Variants in BRINP2 observed in about 807,000 individuals in gnomAD.
The protein encoded by BRINP2 is BMP/retinoic acid-inducible neural-specific protein 2.
A neutral mutation model predicts 69.2 loss-of-function variants in BRINP2; 21 were observed. That is an observed-to-expected ratio of 0.30 (90% CI 0.22 to 0.44). The LOEUF is 0.44. BRINP2 is among the 20% of genes least tolerant of loss of function. BRINP2 has a pLI of 1.00. For missense variants in BRINP2, 877 were observed against 986.0 expected (o/e 0.89, Z 1.48); for synonymous variants, 380 against 394.1 (o/e 0.96, Z 0.42).
intron 4 of BRINP2, among the ~76,000 whole-genome samples, chr1:177,261,886 G>A (rs1343631076): frequency 1.3e-5 from 2 of 152,212 alleles, no homozygotes; most frequent in Non-Finnish European, 2.9e-5. Flanking sequence ...ACAAAGCCAC[G>A]TGAAGAATGT....
intron 2 of BRINP2, among the ~76,000 whole-genome samples, chr1:177,237,859 G>A (rs779004197): frequency 6.6e-6 from 1 of 152,190 alleles, no homozygotes. Flanking sequence ...CAGGGACGCT[G>A]TCGAGTCATA....
chr1:177,216,230 G>T (rs112855735), intron 1 of BRINP2, among the ~76,000 whole-genome samples: 136 of 151,998 alleles, frequency 8.9e-4, no homozygotes, highest in African/African-American at 3.2e-3. Context: ...ATGGTTTTCC[G>T]TAGGGTATGT....
chr1:177,275,864 T>C (rs555596053), intron 5 of BRINP2, among the ~76,000 whole-genome samples: 4 of 152,356 alleles, frequency 2.6e-5, no homozygotes, highest in African/African-American at 9.6e-5. Context: ...ATCTGAAACA[T>C]CTTCCTGTTT....
intron 1 of BRINP2, among the ~76,000 whole-genome samples, chr1:177,212,188 T>C (rs765405802): frequency 1.3e-5 from 2 of 152,168 alleles, no homozygotes; most frequent in Non-Finnish European, 2.9e-5. Flanking sequence ...CTGGAGTTCA[T>C]GAGGGGAGCC....
intron 1 of BRINP2, among the ~76,000 whole-genome samples, chr1:177,191,805 C>A (rs1046651078): frequency 6.6e-6 from 1 of 152,114 alleles, no homozygotes; most frequent in African/African-American, 2.4e-5. Context: ...TCTTTCACCT[C>A]GAATGTGTGC....
chr1:177,194,128 G>A (rs898227031), intron 1 of BRINP2, among the ~76,000 whole-genome samples: 1 of 152,098 alleles, frequency 6.6e-6, no homozygotes, highest in African/African-American at 2.4e-5. Flanking sequence ...ATTTATTATT[G>A]TTTGTATCAT....
intron 1 of BRINP2, among the ~76,000 whole-genome samples, chr1:177,181,916 C>T (rs1011739682): frequency 6.6e-6 from 1 of 152,234 alleles, no homozygotes; most frequent in Non-Finnish European, 1.5e-5. Context: ...GGGATTCTTG[C>T]CCCGGAGGTT....
chr1:177,185,021 C>T (rs1185739483), intron 1 of BRINP2, among the ~76,000 whole-genome samples: 2 of 152,008 alleles, frequency 1.3e-5, no homozygotes, highest in Non-Finnish European at 2.9e-5. Flanking sequence ...TTTTAACAAG[C>T]AGATGATATA....
chr1:177,201,781 G>A (rs1243887843), intron 1 of BRINP2, among the ~76,000 whole-genome samples: 1 of 152,178 alleles, frequency 6.6e-6, no homozygotes, highest in African/African-American at 2.4e-5. Flanking sequence ...AATGGTACCA[G>A]CTCCTCCTTG....
At position 177,240,978 on chromosome 1, in the gene BRINP2, T is replaced by A. The variant is rs113224352; in HGVS notation, c.269+10833T>A. ...TGAGGTGCTCACTGGAGCCAATATT[T>A]TTTTTTTTTTTGAGATGGAGTCTCG... is the stretch of plus-strand genomic sequence containing the variant. On this transcript the variant is annotated intron_variant, in intron 2 of 7. Coordinates refer to ENST00000361539, the MANE Select transcript of BRINP2 (RefSeq NM_021165.4). Among the ~76,000 whole-genome samples, 681 of 151,834 alleles carry A rather than the reference T, an allele frequency of 4.5e-3. 9 individuals carry two copies. The highest frequency in any genetic ancestry group is 0.016 in the African/African-American group (647 of 41,482).
intron 5 of BRINP2, chr1:177,275,054 TCTC>T: frequency 2.2e-6 from 1 of 450,670 alleles, no homozygotes; most frequent in Non-Finnish European, 4.5e-6. Context: ...ATCCAGAAGT[TCTC>T]ATATTCCTCA....
At chr1:177,192,501 T>A (rs780079286) in intron 1 of BRINP2, among the ~76,000 whole-genome samples, 1 of 152,160 alleles carries the variant, frequency 6.6e-6, no homozygotes, top group Non-Finnish European at 1.5e-5. Flanking sequence ...GTCTAACTTA[T>A]TTTTTTCCCC....
intron 2 of BRINP2, among the ~76,000 whole-genome samples, chr1:177,241,377 CTT>C (rs1650201590): frequency 6.6e-6 from 1 of 152,100 alleles, no homozygotes; most frequent in South Asian, 2.1e-4. Context: ...CCTGATTTTG[CTT>C]TCTTTTATTT....
At chr1:177,265,488 C>T (rs904502371) in intron 4 of BRINP2, among the ~76,000 whole-genome samples, 1 of 152,172 alleles carries the variant, frequency 6.6e-6, no homozygotes, top group Non-Finnish European at 1.5e-5. Context: ...AAGTAGTTTT[C>T]TTATTTTTAT....
intron 1 of BRINP2, among the ~76,000 whole-genome samples, chr1:177,223,760 T>C (rs1185041543): frequency 6.6e-6 from 1 of 152,156 alleles, no homozygotes; most frequent in Non-Finnish European, 1.5e-5. Flanking sequence ...ATCTATACCC[T>C]CACTGATTTT....
chr1:177,212,092 GATA>G (rs1649239238), intron 1 of BRINP2, among the ~76,000 whole-genome samples: 6 of 151,142 alleles, frequency 4.0e-5, no homozygotes, highest in Non-Finnish European at 7.4e-5. Context: ...TAGATAGATA[GATA>G]GATAGATAGA....
At chr1:177,264,235 A>G (rs1651052690) in intron 4 of BRINP2, among the ~76,000 whole-genome samples, 1 of 152,162 alleles carries the variant, frequency 6.6e-6, no homozygotes, top group Non-Finnish European at 1.5e-5. Flanking sequence ...CTCACTCTTT[A>G]ATGGCCTCAT....
chr1:177,241,135 C>A (rs1223357167), intron 2 of BRINP2, among the ~76,000 whole-genome samples: 1 of 152,134 alleles, frequency 6.6e-6, no homozygotes, highest in Non-Finnish European at 1.5e-5. Context: ...CCATGCCCGG[C>A]TAATTTTTTG....
intron 4 of BRINP2, among the ~76,000 whole-genome samples, chr1:177,264,913 C>A (rs1651070573): frequency 3.3e-5 from 5 of 152,190 alleles, no homozygotes; most frequent in Admixed American, 3.3e-4. Context: ...CTATCCCCAA[C>A]AAGCTACCAT....
Sources: gnomAD v4.1 joint callset for allele counts (sites outside exome capture counted in the v4.1 genomes callset) on GRCh38, gnomAD v4.1.1 for gene constraint, MANE v1.5 for transcripts, NCBI Gene and HGNC (gene_info 2026-07-23, HGNC 2026-07-21) for gene names.